The following RAD54L2 variants were observed in gnomAD, a reference collection of about 807,000 sequenced individuals.
RAD54L2 encodes RAD54 like 2.
In RAD54L2, 27 loss-of-function variants were observed where a neutral mutation model predicts 138.4. That is an observed-to-expected ratio of 0.20 (90% CI 0.14 to 0.27). The LOEUF (loss-of-function observed/expected upper bound fraction) is 0.27. Ranked by LOEUF, RAD54L2 falls within the 10% of genes least tolerant of loss-of-function variation. The pLI, the probability that RAD54L2 is intolerant of heterozygous loss-of-function variation, is 1.00. For synonymous variants in RAD54L2, 644 were observed against 723.2 expected (o/e 0.89, Z 1.76); for missense variants, 1,396 against 1,890.2 (o/e 0.74, Z 4.85).
intron 2 of RAD54L2, among the ~76,000 whole-genome samples, chr3:51,585,227 T>C (rs1699686130): frequency 6.6e-6 from 1 of 152,196 alleles, no homozygotes; most frequent in Admixed American, 6.5e-5. Flanking sequence ...TGGACTTGCT[T>C]TGAGACCACT....
intron 2 of RAD54L2, among the ~76,000 whole-genome samples, chr3:51,574,137 T>A (rs1452303725): frequency 6.6e-6 from 1 of 152,052 alleles, no homozygotes; most frequent in Non-Finnish European, 1.5e-5. Context: ...AGAATGATGG[T>A]TTCCAGCTTC....
rs557134648 is a variant in RAD54L2, at chr3:51,577,055, C to G, written c.-54-13312C>G. 1.8e-4 allele frequency among the ~76,000 whole-genome samples: 27 copies of G among 152,330 alleles called. No individual in the cohort carries two copies. In the East Asian group the frequency reaches 5.2e-3, roughly 29 times the overall value. On this transcript the variant is annotated intron_variant, in intron 2 of 22. Coordinates refer to ENST00000684192, the MANE Select transcript of RAD54L2 (RefSeq NM_015106.4). ...TTCTGGTATGTTGTGTCTTTGCTCTCATTGGTTTCAAAGAACATCTTTATT... is the reference window on the plus strand; with the variant it reads ...TTCTGGTATGTTGTGTCTTTGCTCTGATTGGTTTCAAAGAACATCTTTATT...
At chr3:51,631,914 G>A (rs1222537471) in intron 7 of RAD54L2, among the ~76,000 whole-genome samples, 3 of 152,082 alleles carry the variant, frequency 2.0e-5, no homozygotes, top group East Asian at 1.9e-4. Flanking sequence ...GATTACAGGC[G>A]TGAGCCACCA....
chr3:51,622,439 G>A (rs1337053263), intron 3 of RAD54L2, among the ~76,000 whole-genome samples: 1 of 152,156 alleles, frequency 6.6e-6, no homozygotes, highest in Admixed American at 6.5e-5. Flanking sequence ...TATGTTAATG[G>A]TATTGCAGTG....
intron 3 of RAD54L2, among the ~76,000 whole-genome samples, chr3:51,617,894 TACAC>T (rs1454099765): frequency 6.6e-6 from 1 of 152,034 alleles, no homozygotes; most frequent in Admixed American, 6.6e-5. Flanking sequence ...AAAATATAAA[TACAC>T]ACACCACATT....
intron 2 of RAD54L2, among the ~76,000 whole-genome samples, chr3:51,573,721 T>G (rs1476200584): frequency 6.6e-6 from 1 of 152,232 alleles, no homozygotes. Flanking sequence ...CCACTGCGCC[T>G]GGCCCAAATC....
In RAD54L2 at chr3:51,637,184, C is replaced by T. The variant is rs760742731; in HGVS notation, c.1363C>T (p.Pro455Ser). 1.9e-6 allele frequency: 3 copies of T among 1,586,810 alleles called. No homozygotes were observed. Among genetic ancestry groups the T allele is most frequent in the African/African-American group, 1.3e-5 (1 of 74,284 alleles). Residue 455 changes from proline (P) to serine (S), a missense_variant, in exon 11 of 23, where the codon CCT becomes TCT. Pro to Ser is a moderately conservative substitution (Grantham distance 74). This residue lies in a region of RAD54L2 where 169 missense variants were observed against 235.6 expected (regional missense o/e 0.72). Coordinates refer to ENST00000684192, the MANE Select transcript of RAD54L2 (RefSeq NM_015106.4). The surrounding 1 kb of genome is among the most constrained non-coding windows in gnomAD (Gnocchi z 5.9). ...AGAGTTTGAGAAGGCTTTATGCCGC[C>T]CTGGCCCTGATGTAGTAATCTGTGA... is the stretch of plus-strand genomic sequence containing the variant. ...RREFEKALCRPGPDVVICDEG... is the reference protein window; with the variant it reads ...RREFEKALCRSGPDVVICDEG...
At chr3:51,584,690 A>G (rs995550120) in intron 2 of RAD54L2, among the ~76,000 whole-genome samples, 1 of 149,646 alleles carries the variant, frequency 6.7e-6, no homozygotes, top group African/African-American at 2.4e-5. Flanking sequence ...AGTACTTACT[A>G]TAGAGTAACT....
At position 51,638,655 on chromosome 3, in the gene RAD54L2, T is replaced by G; in HGVS notation, c.1860+334T>G. The G allele has an allele frequency of 9.0e-6, 2 of 221,058 alleles. No homozygotes were observed. The highest frequency in any genetic ancestry group is 1.8e-5 in the Non-Finnish European group (2 of 111,878). The allele number at this position is 221,058 out of a possible 1,614,324, so 13.7% of individuals were successfully genotyped here. The stretch of plus-strand genomic sequence containing the variant: ...GCATAATCAGAATTCAAGAGATATA[T>G]AGCTTAGACAAGTTATTAGGGGTAC... On this transcript the variant is annotated intron_variant, in intron 12 of 22. Transcript: ENST00000684192. This position sits in a 1 kb window ranked among gnomAD's most constrained non-coding sequence, Gnocchi z 4.3.
intron 2 of RAD54L2, among the ~76,000 whole-genome samples, chr3:51,555,804 G>A (rs115314271): frequency 2.3e-3 from 350 of 152,248 alleles, no homozygotes; most frequent in Non-Finnish European, 3.8e-3. Context: ...GTATATGCTC[G>A]TATTTACCCC....
intron 3 of RAD54L2, among the ~76,000 whole-genome samples, chr3:51,614,471 T>G (rs1244463981): frequency 6.6e-6 from 1 of 151,976 alleles, no homozygotes; most frequent in Admixed American, 6.6e-5. Context: ...TGGCTTAGGT[T>G]GTTTCTTGAG....
intron 3 of RAD54L2, among the ~76,000 whole-genome samples, chr3:51,609,037 C>T (rs949360511): frequency 6.6e-6 from 1 of 152,086 alleles, no homozygotes; most frequent in Non-Finnish European, 1.5e-5. Flanking sequence ...ATTACAGGTG[C>T]CCACCACCAC....
intron 21 of RAD54L2, 72 bp from the exon 22 acceptor site, chr3:51,659,954 C>T: frequency 8.5e-7 from 1 of 1,173,028 alleles, no homozygotes; most frequent in Non-Finnish European, 1.2e-6. Flanking sequence ...CCACGGCGCA[C>T]AGCCTGGAGT....
chr3:51,610,009 G>A (rs941850818), intron 3 of RAD54L2, among the ~76,000 whole-genome samples: 1 of 151,906 alleles, frequency 6.6e-6, no homozygotes, highest in Non-Finnish European at 1.5e-5. Context: ...GGCGGCAGGC[G>A]CCTGTAGTCC....
chr3:51,568,102 C>G (rs1045530151), intron 2 of RAD54L2, among the ~76,000 whole-genome samples: 1 of 152,070 alleles, frequency 6.6e-6, no homozygotes. Flanking sequence ...ATGGAAGTGG[C>G]TGCGGTGTGG....
chr3:51,659,947 C>A, intron 21 of RAD54L2, 79 bp from the exon 22 acceptor site: 1 of 1,062,192 alleles, frequency 9.4e-7, no homozygotes, highest in South Asian at 1.6e-5. Flanking sequence ...TACAAGCCCA[C>A]GGCGCACAGC....
At chr3:51,633,247 C>T (rs1232712024) in intron 7 of RAD54L2, among the ~76,000 whole-genome samples, 1 of 152,098 alleles carries the variant, frequency 6.6e-6, no homozygotes, top group Non-Finnish European at 1.5e-5. Context: ...CAAACTACTC[C>T]TATGGAATGG....
chr3:51,565,411 A>C (rs1184423887), intron 2 of RAD54L2, among the ~76,000 whole-genome samples: 55 of 152,300 alleles, frequency 3.6e-4, no homozygotes, highest in Non-Finnish European at 5.9e-5. Flanking sequence ...GTCTTAAAAA[A>C]TATATATGTG....
At chr3:51,585,669 A>G (rs150439699) in intron 2 of RAD54L2, among the ~76,000 whole-genome samples, 2 of 152,314 alleles carry the variant, frequency 1.3e-5, no homozygotes, top group East Asian at 1.9e-4. Flanking sequence ...GTGCTAGGCT[A>G]GGATTGGCTA....
Sources: gnomAD v4.1 joint callset for allele counts (sites outside exome capture counted in the v4.1 genomes callset) on GRCh38, gnomAD v4.1.1 for gene constraint, gnomAD v4.1.1 regional missense constraint, Gnocchi (gnomAD v3.1) non-coding constraint, MANE v1.5 for transcripts, NCBI Gene and HGNC (gene_info 2026-07-23, HGNC 2026-07-21) for gene names.